PARD3: variants seen among roughly 807,000 people sequenced by gnomAD.
PARD3 encodes partitioning defective 3 homolog.
Under a neutral mutation model 155.4 loss-of-function variants are expected in PARD3, and 75 were observed. That is an observed-to-expected ratio of 0.48 (90% confidence interval 0.40 to 0.58). The LOEUF is 0.58. Among genes scored for constraint, PARD3 ranks in the 20% least tolerant of loss-of-function variants. The pLI, the probability that PARD3 is intolerant of heterozygous loss-of-function variation, is 0.00. For missense variants in PARD3, 1,642 were observed against 1,721.7 expected (o/e 0.95, Z 0.82); for synonymous variants, 576 against 610.5 (o/e 0.94, Z 0.83).
At chr10:34,112,036 A>G (rs1471962428) in intron 24 of PARD3, among the ~76,000 whole-genome samples, 1 of 152,256 alleles carries the variant, frequency 6.6e-6, no homozygotes, top group Non-Finnish European at 1.5e-5. Flanking sequence ...GCTAGCTAAT[A>G]TGAAGTACAT....
At chr10:34,227,196 G>A (rs1329175634) in intron 22 of PARD3, among the ~76,000 whole-genome samples, 1 of 152,162 alleles carries the variant, frequency 6.6e-6, no homozygotes, top group African/African-American at 2.4e-5. Flanking sequence ...TAAGAAATGG[G>A]CAAAGGACAT....
chr10:34,521,788 T>C (rs1362752114), intron 2 of PARD3, among the ~76,000 whole-genome samples: 1 of 152,192 alleles, frequency 6.6e-6, no homozygotes, highest in Non-Finnish European at 1.5e-5. Context: ...AACCCTTGGA[T>C]CTAGGGAAGT....
At chr10:34,596,688 A>G (rs751990974) in intron 2 of PARD3, among the ~76,000 whole-genome samples, 2 of 152,156 alleles carry the variant, frequency 1.3e-5, no homozygotes, top group Non-Finnish European at 2.9e-5. Flanking sequence ...ATAGAGCCAG[A>G]CCATATCAGC....
At chr10:34,752,772 G>A (rs1836219185) in intron 1 of PARD3, among the ~76,000 whole-genome samples, 1 of 152,174 alleles carries the variant, frequency 6.6e-6, no homozygotes. Context: ...AACTTAAAGT[G>A]GAAAAATGGG....
chr10:34,765,341 A>G (rs1240124464), intron 1 of PARD3, among the ~76,000 whole-genome samples: 4 of 152,174 alleles, frequency 2.6e-5, no homozygotes, highest in Admixed American at 2.6e-4. Flanking sequence ...GCCACATTAC[A>G]TAAACCAGGC....
intron 1 of PARD3, among the ~76,000 whole-genome samples, chr10:34,761,735 AT>A (rs1462528509): frequency 6.6e-6 from 1 of 152,136 alleles, no homozygotes; most frequent in Non-Finnish European, 1.5e-5. Context: ...TTTTTGTAGT[AT>A]TTTATGTTCT....
intron 22 of PARD3, among the ~76,000 whole-genome samples, chr10:34,151,153 CAAAAACTTTGT>C (rs950075818): frequency 6.9e-5 from 10 of 145,420 alleles, no homozygotes; most frequent in African/African-American, 2.6e-4. Context: ...AACGAACAAA[CAAAAACTTTGT>C]AAGCTTCATT....
At chr10:34,553,620 A>G (rs1447945045) in intron 2 of PARD3, among the ~76,000 whole-genome samples, 1 of 152,218 alleles carries the variant, frequency 6.6e-6, no homozygotes, top group Non-Finnish European at 1.5e-5. Flanking sequence ...GCAAATCACA[A>G]CTAAAGACAA....
chr10:34,557,914 G>A (rs547997299), intron 2 of PARD3, among the ~76,000 whole-genome samples: 3 of 151,022 alleles, frequency 2.0e-5, no homozygotes, highest in Non-Finnish European at 1.5e-5. Flanking sequence ...AGCCAGCCTG[G>A]GTGACAGTGT....
intron 1 of PARD3, among the ~76,000 whole-genome samples, chr10:34,710,699 C>G (rs894370149): frequency 4.6e-5 from 7 of 152,198 alleles, no homozygotes; most frequent in African/African-American, 1.7e-4. Context: ...TTCAATTGTT[C>G]TGTTCACTGA....
At chr10:34,641,804 G>A (rs2132950191) in intron 2 of PARD3, among the ~76,000 whole-genome samples, 1 of 152,322 alleles carries the variant, frequency 6.6e-6, no homozygotes, top group East Asian at 1.9e-4. Flanking sequence ...TCAGTAGGTG[G>A]TGGCTGACAG....
chr10:34,524,194 A>G (rs1044226922), intron 2 of PARD3, among the ~76,000 whole-genome samples: 6 of 152,224 alleles, frequency 3.9e-5, no homozygotes, highest in African/African-American at 1.4e-4. Context: ...CCAGCAAAAT[A>G]TCATGCAGGA....
At chr10:34,596,456 G>C (rs191585125) in intron 2 of PARD3, among the ~76,000 whole-genome samples, 1 of 152,098 alleles carries the variant, frequency 6.6e-6, no homozygotes, top group Non-Finnish European at 1.5e-5. Context: ...CAATCATGGC[G>C]GAAGGCACCT....
intron 5 of PARD3, among the ~76,000 whole-genome samples, chr10:34,429,214 C>T (rs909834319): frequency 4.0e-5 from 6 of 151,564 alleles, no homozygotes; most frequent in Non-Finnish European, 8.8e-5. Context: ...TTTTTATATC[C>T]CATGTATGCT....
At chr10:34,783,791 T>TTGCCA (rs1413467987) in intron 1 of PARD3, among the ~76,000 whole-genome samples, 1 of 152,166 alleles carries the variant, frequency 6.6e-6, no homozygotes, top group Non-Finnish European at 1.5e-5. Flanking sequence ...GCTTAGTACG[T>TTGCCA]TGCCAAATCA....
At chr10:34,486,526 G>A (rs967046959) in intron 3 of PARD3, among the ~76,000 whole-genome samples, 2 of 152,224 alleles carry the variant, frequency 1.3e-5, no homozygotes, top group African/African-American at 4.8e-5. Flanking sequence ...GAGAATTAAA[G>A]AAACTACAAG....
intron 1 of PARD3, among the ~76,000 whole-genome samples, chr10:34,762,130 T>A (rs565512929): frequency 6.6e-6 from 1 of 152,232 alleles, no homozygotes; most frequent in Non-Finnish European, 1.5e-5. Context: ...TTTCCAAACC[T>A]GAAAGTCACC....
At chr10:34,757,341 C>T (rs1353738079) in intron 1 of PARD3, among the ~76,000 whole-genome samples, 2 of 152,196 alleles carry the variant, frequency 1.3e-5, no homozygotes, top group African/African-American at 4.8e-5. Flanking sequence ...TGAGGTGTGA[C>T]ATGCTACAGC....
chr10:34,560,329 C>CTGA (rs2085362603), intron 2 of PARD3, among the ~76,000 whole-genome samples: 1 of 151,994 alleles, frequency 6.6e-6, no homozygotes, highest in Admixed American at 6.6e-5. Context: ...AACAGCTGTT[C>CTGA]AGAACACCGC....
Sources: gnomAD v4.1 joint callset for allele counts (sites outside exome capture counted in the v4.1 genomes callset) on GRCh38, gnomAD v4.1.1 for gene constraint, MANE v1.5 for transcripts, NCBI Gene and HGNC (gene_info 2026-07-23, HGNC 2026-07-21) for gene names.